PLEKHA7: variants seen among roughly 807,000 people sequenced by gnomAD.
The protein encoded by PLEKHA7 is pleckstrin homology domain containing A7.
Under a neutral mutation model 170.0 loss-of-function variants are expected in PLEKHA7, and 104 were observed. The observed-to-expected ratio is 0.61, with a 90% confidence interval of 0.52 to 0.72. The LOEUF is 0.72. PLEKHA7 is among the 30% of genes least tolerant of loss of function. The pLI, the probability that PLEKHA7 is intolerant of heterozygous loss-of-function variation, is 0.00. For missense variants in PLEKHA7, 1,615 were observed against 1,671.7 expected (o/e 0.97, Z 0.59); for synonymous variants, 648 against 660.8 (o/e 0.98, Z 0.30).
At chr11:16,946,752 G>A (rs1051641755) in intron 3 of PLEKHA7, among the ~76,000 whole-genome samples, 3 of 152,046 alleles carry the variant, frequency 2.0e-5, no homozygotes, top group East Asian at 1.9e-4. Context: ...GTCTTAATGA[G>A]CTTTCTGTTA....
intron 3 of PLEKHA7, among the ~76,000 whole-genome samples, chr11:16,958,780 G>A (rs1475303034): frequency 2.0e-5 from 3 of 152,170 alleles, no homozygotes; most frequent in African/African-American, 4.8e-5. Flanking sequence ...AGGATTATAG[G>A]TGACTTATTT....
intron 25 of PLEKHA7, 104 bp downstream of exon 25, chr11:16,783,596 C>T: frequency 2.4e-6 from 3 of 1,256,072 alleles, no homozygotes; most frequent in Middle Eastern, 5.2e-4. Context: ...AGACGAAGAC[C>T]TGGCAAAACA....
At chr11:16,913,966 T>C (rs951518354) in intron 3 of PLEKHA7, among the ~76,000 whole-genome samples, 4 of 152,232 alleles carry the variant, frequency 2.6e-5, no homozygotes, top group Non-Finnish European at 4.4e-5. Flanking sequence ...GAAATATTTT[T>C]ATGTATTTTA....
intron 3 of PLEKHA7, among the ~76,000 whole-genome samples, chr11:16,973,772 A>C (rs996411817): frequency 2.0e-5 from 3 of 152,008 alleles, no homozygotes; most frequent in Non-Finnish European, 4.4e-5. Context: ...TCTGCCCTCC[A>C]ACCTGAGTCT....
intron 19 of PLEKHA7, among the ~76,000 whole-genome samples, chr11:16,792,532 TAA>T (rs5789963): frequency 6.2e-4 from 85 of 136,118 alleles, no homozygotes; most frequent in Admixed American, 7.2e-4. Context: ...GTACTAAAAT[TAA>T]AAAAAAAAAA....
chr11:16,926,615 A>G (rs1325881536), intron 3 of PLEKHA7, among the ~76,000 whole-genome samples: 1 of 152,236 alleles, frequency 6.6e-6, no homozygotes, highest in Non-Finnish European at 1.5e-5. Flanking sequence ...CAGTCAAGAA[A>G]GGATCCCTGA....
intron 3 of PLEKHA7, among the ~76,000 whole-genome samples, chr11:17,008,793 G>A (rs1865162006): frequency 6.6e-6 from 1 of 152,184 alleles, no homozygotes; most frequent in Non-Finnish European, 1.5e-5. Flanking sequence ...AATGCCTGCT[G>A]TAGGGGGAAC....
At chr11:16,851,449 T>C (rs1289516669) in intron 7 of PLEKHA7, among the ~76,000 whole-genome samples, 158 bp from the exon 8 acceptor site, 2 of 151,922 alleles carry the variant, frequency 1.3e-5, no homozygotes, top group Non-Finnish European at 2.9e-5. Context: ...ATTCTTTTTA[T>C]TTATTTATTT....
At chr11:16,785,227 A>G (rs1176697477) in intron 24 of PLEKHA7, among the ~76,000 whole-genome samples, 1 of 152,218 alleles carries the variant, frequency 6.6e-6, no homozygotes, top group African/African-American at 2.4e-5. Context: ...AAGGCTCTGG[A>G]AGACACAGGT....
At chr11:16,795,554 G>A (rs1291431281) in intron 17 of PLEKHA7, among the ~76,000 whole-genome samples, 1 of 152,220 alleles carries the variant, frequency 6.6e-6, no homozygotes, top group East Asian at 1.9e-4. Flanking sequence ...CACTTTGGGA[G>A]GCCAAGGAGG....
At chr11:16,841,270 C>G (rs1187828104) in intron 9 of PLEKHA7, among the ~76,000 whole-genome samples, 1 of 152,162 alleles carries the variant, frequency 6.6e-6, no homozygotes, top group Non-Finnish European at 1.5e-5. Flanking sequence ...CTTGCCTGTC[C>G]TCTCCCTACC....
intron 3 of PLEKHA7, among the ~76,000 whole-genome samples, chr11:16,973,467 GA>G (rs1353008873): frequency 6.6e-6 from 1 of 152,226 alleles, no homozygotes; most frequent in Non-Finnish European, 1.5e-5. Context: ...CAGCAGAGGT[GA>G]AAAGAGAAGT....
chr11:16,836,623 C>G (rs1024830092), intron 9 of PLEKHA7, among the ~76,000 whole-genome samples: 27 of 152,194 alleles, frequency 1.8e-4, no homozygotes, highest in African/African-American at 6.3e-4. Context: ...ATAATTTTAA[C>G]CAACCAAATG....
intron 3 of PLEKHA7, among the ~76,000 whole-genome samples, chr11:16,903,048 C>T (rs1323236425): frequency 6.6e-6 from 1 of 152,188 alleles, no homozygotes; most frequent in Non-Finnish European, 1.5e-5. Flanking sequence ...TACTTATGGG[C>T]CATTTTCACA....
chr11:16,957,453 T>C (rs1459474008), intron 3 of PLEKHA7, among the ~76,000 whole-genome samples: 1 of 152,214 alleles, frequency 6.6e-6, no homozygotes, highest in African/African-American at 2.4e-5. Flanking sequence ...TCCATTTATA[T>C]GAAATATCCA....
chr11:16,936,383 T>C (rs968155144), intron 3 of PLEKHA7, among the ~76,000 whole-genome samples: 2 of 110,246 alleles, frequency 1.8e-5, no homozygotes, highest in East Asian at 2.5e-4. Flanking sequence ...GCCTGGGAAA[T>C]AGCGTGAGAC....
At chr11:16,874,272 T>G (rs1171166432) in intron 3 of PLEKHA7, among the ~76,000 whole-genome samples, 2 of 152,134 alleles carry the variant, frequency 1.3e-5, no homozygotes, top group African/African-American at 4.8e-5. Context: ...TTCCTGAGGC[T>G]GGGGCGGGTG....
rs575475798 is a variant in PLEKHA7, at chr11:16,986,425, A to T, written c.221+27564T>A. 3.3e-5 allele frequency among the ~76,000 whole-genome samples: 5 copies of T among 152,268 alleles called. No homozygotes were observed. In the South Asian group the frequency reaches 1.0e-3, roughly 32 times the overall value. On this transcript the variant is annotated intron_variant, in intron 3 of 26. Transcript: ENST00000531066. ...AGCCCAGACACATTTTGAGTACATA[A>T]GAAAAGTGCAGCCCCACCAGAGCCC...
chr11:16,963,347 G>C (rs924180982), intron 3 of PLEKHA7, among the ~76,000 whole-genome samples: 2 of 150,800 alleles, frequency 1.3e-5, no homozygotes, highest in African/African-American at 2.4e-5. Flanking sequence ...TTTCTTTTTT[G>C]AGGGTGGAGT....
Sources: gnomAD v4.1 joint callset for allele counts (sites outside exome capture counted in the v4.1 genomes callset) on GRCh38, gnomAD v4.1.1 for gene constraint, MANE v1.5 for transcripts, NCBI Gene and HGNC (gene_info 2026-07-23, HGNC 2026-07-21) for gene names.